Variants in TTN observed in about 807,000 individuals in gnomAD.
TTN encodes titin, also known as connectin.
A neutral mutation model predicts 3,223.0 loss-of-function variants in TTN; 1,525 were observed. The observed-to-expected ratio is 0.47, with a 90% CI of 0.45 to 0.49. TTN has a LOEUF of 0.49. Ranked by LOEUF, TTN falls within the 20% of genes least tolerant of loss-of-function variation. TTN has a pLI of 0.00. For missense variants in TTN, 40,786 were observed against 43,424.0 expected, an observed-to-expected ratio of 0.94 and a Z score of 5.40; for synonymous variants, 14,094 against 15,161.0, an observed-to-expected ratio of 0.93 and a Z score of 5.17.
Position 178,674,504 on chromosome 2 carries a change from C to T in TTN, c.34613-95G>A, listed in dbSNP as rs1024933676. On this transcript the variant is annotated intron_variant, in intron 150 of 362. Transcript: ENST00000589042. The stretch of plus-strand genomic sequence containing the variant: ...TCTGAAAACTGCTCAGCCTTCGAAA[C>T]GCTTGTGTAAACTCACTAGTCCTTA... 28 of 717,492 alleles carry T rather than the reference C, an allele frequency of 3.9e-5. No individual in the cohort carries two copies. In the South Asian group the frequency reaches 5.7e-4, roughly 15 times the overall value. 44.4% of individuals were successfully genotyped at this position (717,492 alleles called of 1,614,324 possible). A position where few individuals can be genotyped will look rare whatever the true frequency, so the allele number is the denominator to read the frequency against.
chr2:178,745,074 T>G, intron 47 of TTN: 8 of 986,790 alleles, frequency 8.1e-6, no homozygotes, highest in Non-Finnish European at 7.2e-6. Context: ...TTTTGTTGTT[T>G]GTTTTGCCTA....
At position 178,618,801 on chromosome 2, in the gene TTN, C is replaced by G. The variant is rs1460478978; in HGVS notation, c.46749G>C (p.Lys15583Asn). The G allele has an allele frequency of 6.2e-7, 1 of 1,610,988 alleles. No individual in the cohort carries two copies. Among genetic ancestry groups the G allele is most frequent in the East Asian group, 2.2e-5 (1 of 44,558 alleles). Residue 15583 changes from lysine to asparagine, a missense_variant, in exon 251 of 363, where the codon AAG becomes AAC. Physicochemically the swap from Lys to Asn is moderately conservative, Grantham distance 94. Coordinates refer to ENST00000589042, the MANE Select transcript of TTN (RefSeq NM_001267550.2). ...CATATGGCACCACCATTGTCAGAGGCTTGCCAACATCAACCACAAGGTCTT... is the reference window on the plus strand; with the variant it reads ...CATATGGCACCACCATTGTCAGAGGGTTGCCAACATCAACCACAAGGTCTT... ...ADQDLVVDVG[K>N]PLTMVVPYDA...
chr2:178,736,065 G>T lies in TTN; in HGVS notation c.14381C>A (p.Pro4794Gln), dbSNP rs961456060. 6.4e-7 allele frequency: 1 copy of T among 1,562,280 alleles called. No homozygotes were observed. The change falls in exon 50 of 363, where the codon CCA (proline) becomes CAA (glutamine). Residue 4794 changes from proline (P) to glutamine (Q), a missense_variant. Pro to Gln is a moderately conservative substitution (Grantham distance 76). Coordinates refer to ENST00000589042, the MANE Select transcript of TTN (RefSeq NM_001267550.2). ...CTTAGGTCTGGAGAGAAAGGTTGGT[G>T]GATATGCCTCTGCAAAAGAAATTTT... is the stretch of plus-strand genomic sequence containing the variant. The part of the protein sequence containing the change: ...TATLTVTEAY[P>Q]PTFLSRPKSL...
At chr2:178,796,485 C>G (rs921440136) in intron 6 of TTN, among the ~76,000 whole-genome samples, 1 of 152,006 alleles carries the variant, frequency 6.6e-6, no homozygotes, top group Non-Finnish European at 1.5e-5. Context: ...TTTATTTTCT[C>G]GAAGAATGGC....
At chr2:178,555,261 A>G (rs1176565044) in intron 330 of TTN, 109 bp from the exon 331 acceptor site, 1 of 979,556 alleles carries the variant, frequency 1.0e-6, no homozygotes, top group Non-Finnish European at 1.5e-6. Context: ...TTATACACAC[A>G]CACCATCATT....
intron 221 of TTN, 119 bp downstream of exon 221, chr2:178,640,422 G>T: frequency 2.2e-6 from 2 of 924,090 alleles, no homozygotes; most frequent in Non-Finnish European, 1.7e-6. Flanking sequence ...AGAAAATTAA[G>T]CCATATGTGA....
chr2:178,744,381 T>C (rs1175124212), intron 47 of TTN: 1 of 984,584 alleles, frequency 1.0e-6, no homozygotes, highest in African/African-American at 1.7e-5. Context: ...TAAGGTCTTT[T>C]GGTCCTACCC....
At chr2:178,785,431 C>T (rs1015179831) in intron 15 of TTN, among the ~76,000 whole-genome samples, 189 bp downstream of exon 15, 10 of 152,116 alleles carry the variant, frequency 6.6e-5, no homozygotes, top group African/African-American at 2.4e-4. Context: ...TGACTCTAGG[C>T]TCACTCCCCT....
Position 178,777,467 on chromosome 2 carries a change from T to C in TTN, c.4598A>G (p.Gln1533Arg). 1 of 1,613,936 alleles carries C rather than the reference T, an allele frequency of 6.2e-7. No homozygotes were observed. The highest frequency in any genetic ancestry group is 8.5e-7 in the Non-Finnish European group (1 of 1,179,936). The change falls in exon 26 of 363, where the codon CAA (glutamine) becomes CGA (arginine). Residue 1533 changes from glutamine (Q) to arginine (R), a missense_variant. By Grantham distance (43) the Gln-to-Arg change is conservative. Coordinates refer to ENST00000589042, the MANE Select transcript of TTN (RefSeq NM_001267550.2). Reference protein sequence around the residue: ...SDSGEWTVVAQNRAGRSSISV... With the variant: ...SDSGEWTVVARNRAGRSSISV... ...AATTGAAGATCTGCCTGCCCTGTTT[T>C]GGGCAACCACAGTCCATTCCCCAGA...
chr2:178,538,919 T>C, intron 353 of TTN, 27 bp downstream of exon 353: 1 of 1,590,554 alleles, frequency 6.3e-7, no homozygotes, highest in South Asian at 1.1e-5. Context: ...GCTTCTTTAA[T>C]TTAACCCCTT....
In TTN at chr2:178,625,246, T is replaced by C. The variant is rs773389874; in HGVS notation, c.44548+27A>G. The C allele has an allele frequency of 3.1e-6, 5 of 1,601,866 alleles. No individual in the cohort carries two copies. In the South Asian group the frequency reaches 4.5e-5, roughly 14 times the overall value. On this transcript the variant is annotated intron_variant, in intron 241 of 362. Transcript: ENST00000589042. Reference sequence around the variant, plus strand: ...TGTTCATGAGCCTCTGCCTTATACATGTTTTTAAAATAAGCCTTGTAATTA... The same window carrying C: ...TGTTCATGAGCCTCTGCCTTATACACGTTTTTAAAATAAGCCTTGTAATTA...
chr2:178,725,042 A>C (rs2562853), intron 71 of TTN: 7,952 of 266,718 alleles, frequency 0.03, 337 homozygotes, highest in East Asian at 0.18. Flanking sequence ...CAACCTTTGG[A>C]GTTCTTGTTA....
At chr2:178,774,885 C>G (rs777151126) in intron 29 of TTN, 36 bp downstream of exon 29, 1 of 1,612,092 alleles carries the variant, frequency 6.2e-7, no homozygotes, top group East Asian at 2.2e-5. Flanking sequence ...GACTTTAGAG[C>G]TTAGGTAAAC....
chr2:178,575,793 T>C lies in TTN; in HGVS notation c.70339A>G (p.Ile23447Val). Residue 23447 changes from isoleucine (I) to valine (V), a missense_variant, in exon 326 of 363, where the codon ATC becomes GTC. Coordinates refer to ENST00000589042, the MANE Select transcript of TTN (RefSeq NM_001267550.2). The surrounding 1 kb of genome is among the most constrained non-coding windows in gnomAD (Gnocchi z 4.0). Reference sequence around the variant, plus strand: ...TGCAGGGTGACACTGTCCTTTGTGATGTCTGTAGGCCGCAGGTTGAGGACT... The same window carrying C: ...TGCAGGGTGACACTGTCCTTTGTGACGTCTGTAGGCCGCAGGTTGAGGACT... ...GPVLNLRPTD[I>V]TKDSVTLHWD... 1 of 1,613,124 alleles carries C rather than the reference T, an allele frequency of 6.2e-7. No individual in the cohort carries two copies. The highest frequency in any genetic ancestry group is 8.5e-7 in the Non-Finnish European group (1 of 1,179,234).
chr2:178,771,940 C>T (rs535827134), intron 33 of TTN, among the ~76,000 whole-genome samples: 2 of 152,278 alleles, frequency 1.3e-5, no homozygotes, highest in South Asian at 2.1e-4. Flanking sequence ...GTCGCCCATT[C>T]TATGAAGTTT....
Position 178,715,238 on chromosome 2 carries a change from G to A in TTN, c.25948C>T (p.His8650Tyr). 6 of 1,606,546 alleles carry A rather than the reference G, an allele frequency of 3.7e-6. No individual in the cohort carries two copies. The highest frequency in any genetic ancestry group is 5.1e-6 in the Non-Finnish European group (6 of 1,176,754). The change falls in exon 90 of 363, where the codon CAT becomes TAT. Residue 8650 changes from histidine (H) to tyrosine (Y), a missense_variant. Physicochemically the swap from His to Tyr is moderately conservative, Grantham distance 83. Coordinates refer to ENST00000589042, the MANE Select transcript of TTN (RefSeq NM_001267550.2). Reference sequence around the variant, plus strand: ...GCTCCTTTCAGTGTCTCTATAGGATGAGGCTTTTTGCGGAAAATGGGTGGT... The same window carrying A: ...GCTCCTTTCAGTGTCTCTATAGGATAAGGCTTTTTGCGGAAAATGGGTGGT... The part of the protein sequence containing the change: ...KEPPIFRKKP[H>Y]PIETLKGADV...
chr2:178,747,504 C>G (rs777193968), intron 47 of TTN: 1 of 1,613,362 alleles, frequency 6.2e-7, no homozygotes, highest in East Asian at 2.2e-5. Context: ...ATGTCAGACT[C>G]AGGAGAAAGT....
Position 178,609,907 on chromosome 2 carries a change from C to T in TTN, c.51516G>A (p.Leu17172=), listed in dbSNP as rs1559764884. ...EAMTITWKPP[L]YDGGSKIMGY... The stretch of plus-strand genomic sequence containing the variant: ...CCATTATCTTGCTCCCTCCATCATA[C>T]AAAGGTGGCTTCCATGTAATAGTCA... The change falls in exon 272 of 363, where the codon TTG becomes TTA. Residue 17172 remains leucine, a synonymous_variant. Transcript: ENST00000589042. The T allele has an allele frequency of 3.1e-6, 5 of 1,612,982 alleles. No individual in the cohort carries two copies. Among genetic ancestry groups the T allele is most frequent in the Non-Finnish European group, 3.4e-6 (4 of 1,179,272 alleles).
Position 178,672,186 on chromosome 2 carries a change from A to C in TTN, c.35012T>G (p.Val11671Gly), listed in dbSNP as rs879054010. ...VVKERLELEV[V>G]EAEVEEIPEE... is the part of the protein sequence containing the mutation. ...CGGAATTTCTTCCACTTCTGCTTCT[A>C]CTACTTCTAATTCTAGTCTTTCTTT... Residue 11671 changes from valine (V) to glycine (G), a missense_variant, in exon 155 of 363, where the codon GTA becomes GGA. Transcript: ENST00000589042. 7.0e-6 allele frequency: 11 copies of C among 1,574,828 alleles called. No individual in the cohort carries two copies. Among genetic ancestry groups the C allele is most frequent in the Non-Finnish European group, 9.5e-6 (11 of 1,158,428 alleles).
Sources: allele counts gnomAD v4.1 joint callset (sites outside exome capture counted in the v4.1 genomes callset), GRCh38; gene constraint gnomAD v4.1.1; non-coding constraint Gnocchi (gnomAD v3.1); transcripts MANE v1.5; gene names NCBI Gene and HGNC (gene_info 2026-07-23, HGNC 2026-07-21).